Variants in FBXO9 observed in about 807,000 individuals in gnomAD.
FBXO9 encodes F-box protein 9.
In FBXO9, 43 loss-of-function variants were observed where a neutral mutation model predicts 63.7. That is an observed-to-expected ratio of 0.67 (90% CI 0.53 to 0.87). FBXO9 has a LOEUF of 0.87. Ranked by LOEUF, FBXO9 falls within the 40% of genes least tolerant of loss-of-function variation. FBXO9 has a pLI of 0.00. For synonymous variants in FBXO9, 156 were observed against 171.7 expected (o/e 0.91, Z 0.72); for missense variants, 442 against 533.2 (o/e 0.83, Z 1.68).
intron 5 of FBXO9, among the ~76,000 whole-genome samples, chr6:53,080,235 C>T (rs1230908645): frequency 6.6e-6 from 1 of 151,016 alleles, no homozygotes; most frequent in African/African-American, 2.4e-5. Context: ...GTAGAATAGC[C>T]ATTGAGTCCA....
At chr6:53,088,319 A>G (rs924339421) in intron 7 of FBXO9, among the ~76,000 whole-genome samples, 3 of 152,210 alleles carry the variant, frequency 2.0e-5, no homozygotes, top group African/African-American at 7.2e-5. Context: ...CTTAGACTAT[A>G]TATATTCTAT....
chr6:53,080,328 G>C (rs1370967626), intron 5 of FBXO9, among the ~76,000 whole-genome samples: 1 of 148,206 alleles, frequency 6.7e-6, no homozygotes, highest in African/African-American at 2.5e-5. Context: ...TTTTTTTTAA[G>C]TCTACATCAC....
chr6:53,079,898 A>G (rs2127492900), intron 5 of FBXO9, among the ~76,000 whole-genome samples: 1 of 152,250 alleles, frequency 6.6e-6, no homozygotes, highest in East Asian at 1.9e-4. Context: ...GCCTGTTTAA[A>G]TTTTCAGCTA....
intron 4 of FBXO9, among the ~76,000 whole-genome samples, 162 bp from the exon 5 acceptor site, chr6:53,078,637 G>A (rs1769201665): frequency 6.6e-6 from 1 of 152,180 alleles, no homozygotes; most frequent in East Asian, 1.9e-4. Context: ...GAGCATTAAG[G>A]TTTGGAAATA....
rs780827527 is a variant in FBXO9, at chr6:53,070,801, C to CG, written c.4-249dup. On this transcript the variant is annotated intron_variant, in intron 1 of 12. Coordinates refer to ENST00000323557, the MANE Select transcript of FBXO9 (RefSeq NM_033480.3). ...TGGATGCAACTGATGTTAAATTTGG[C>CG]GGGGGGGAAATGTTAGGATTCACAA... 63 of 408,172 alleles carry CG rather than the reference C, an allele frequency of 1.5e-4. 1 individual carries two copies. The highest frequency in any genetic ancestry group is 6.7e-4 in the Middle Eastern group (1 of 1,500). 25.3% of individuals were successfully genotyped at this position (408,172 alleles called of 1,614,324 possible).
chr6:53,083,459 G>T (rs1436623296), intron 7 of FBXO9, among the ~76,000 whole-genome samples: 1 of 152,054 alleles, frequency 6.6e-6, no homozygotes, highest in Non-Finnish European at 1.5e-5. Context: ...CATTGCAATG[G>T]GAATACACAT....
chr6:53,085,861 C>T (rs923729889), intron 7 of FBXO9, among the ~76,000 whole-genome samples: 10 of 152,108 alleles, frequency 6.6e-5, no homozygotes, highest in Non-Finnish European at 1.2e-4. Context: ...TAGAAAATCC[C>T]AAAGTTGGCT....
rs1367589770 is a variant in FBXO9, at chr6:53,092,715, T to C, written c.773-19T>C. The C allele has an allele frequency of 2.5e-6, 4 of 1,571,384 alleles. No homozygotes were observed. The South Asian group carries it at 3.5e-5, about 14-fold the overall frequency. On this transcript the variant is annotated intron_variant, in intron 8 of 12. Coordinates refer to ENST00000323557, the MANE Select transcript of FBXO9 (RefSeq NM_033480.3). ...ATCTGAATATTATAATTTTTAACTTTTTAAAATTATTTTCATAGGCGTGTA... is the reference window on the plus strand; with the variant it reads ...ATCTGAATATTATAATTTTTAACTTCTTAAAATTATTTTCATAGGCGTGTA...
At chr6:53,084,330 C>G (rs1312318068) in intron 7 of FBXO9, among the ~76,000 whole-genome samples, 1 of 152,186 alleles carries the variant, frequency 6.6e-6, no homozygotes, top group East Asian at 1.9e-4. Context: ...GCATGTAGTA[C>G]TAGCAATAGC....
rs1205077749 is a variant in FBXO9, at chr6:53,092,439, A to G, written c.664A>G (p.Ile222Val). Residue 222 changes from isoleucine to valine, a missense_variant, in exon 8 of 13, where the codon ATA becomes GTA. Physicochemically the swap from Ile to Val is conservative, Grantham distance 29 (BLOSUM62 3). Transcript: ENST00000323557. Reference sequence around the variant, plus strand: ...GCTTTTATTCCCTAGAGACCCTGAAATATGGCGTCTGGCCTGCTTGAAAGT... The same window carrying G: ...GCTTTTATTCCCTAGAGACCCTGAAGTATGGCGTCTGGCCTGCTTGAAAGT... ...GFYICARDPE[I>V]WRLACLKVWG... The G allele has an allele frequency of 6.2e-7, 1 of 1,613,554 alleles. No individual in the cohort carries two copies. Among genetic ancestry groups the G allele is most frequent in the Non-Finnish European group, 8.5e-7 (1 of 1,179,480 alleles).
chr6:53,096,062 C>T (rs181034740), intron 12 of FBXO9, among the ~76,000 whole-genome samples: 1 of 152,144 alleles, frequency 6.6e-6, no homozygotes, highest in African/African-American at 2.4e-5. Flanking sequence ...TTGTTTTATC[C>T]TCAGGGATTA....
At chr6:53,096,342 T>C (rs1763208906) in intron 12 of FBXO9, among the ~76,000 whole-genome samples, 1 of 152,176 alleles carries the variant, frequency 6.6e-6, no homozygotes, top group Non-Finnish European at 1.5e-5. Flanking sequence ...TGAAAGAATA[T>C]TGGTACATGA....
intron 7 of FBXO9, among the ~76,000 whole-genome samples, chr6:53,084,497 T>C (rs1418390536): frequency 6.6e-6 from 1 of 152,176 alleles, no homozygotes; most frequent in Non-Finnish European, 1.5e-5. Context: ...AGTCTTATGA[T>C]ATGGTTCTGA....
chr6:53,092,981 G>T, intron 9 of FBXO9, 157 bp downstream of exon 9: 2 of 457,998 alleles, frequency 4.4e-6, no homozygotes, highest in South Asian at 5.5e-5. Context: ...AAAAAAAATA[G>T]GCTAATATAA....
In FBXO9 at chr6:53,073,383, TATAC is replaced by T; in HGVS notation, c.91-97_91-94del. The stretch of plus-strand genomic sequence containing the variant: ...ATTTCTGGACTTAGAGTAATAAGTA[TATAC>T]GTGGAAGTAGATAGATGTTGGACAT... On this transcript the variant is annotated intron_variant, in intron 2 of 12. Coordinates refer to ENST00000323557, the MANE Select transcript of FBXO9 (RefSeq NM_033480.3). 3.6e-6 allele frequency: 3 copies of T among 839,340 alleles called. No individual in the cohort carries two copies. The South Asian group carries it at 6.4e-5, about 18-fold the overall frequency. The allele number at this position is 839,340 out of a possible 1,614,324, so 52.0% of individuals were successfully genotyped here. A position where few individuals can be genotyped will look rare whatever the true frequency, so the allele number is the denominator to read the frequency against.
At chr6:53,094,189 C>T (rs1400101224) in intron 11 of FBXO9, among the ~76,000 whole-genome samples, 3 of 151,756 alleles carry the variant, frequency 2.0e-5, no homozygotes, top group Middle Eastern at 3.4e-3. Flanking sequence ...TGTTTTTTAC[C>T]AGATAGTTTG....
intron 11 of FBXO9, among the ~76,000 whole-genome samples, chr6:53,095,149 A>G (rs751382767): frequency 6.6e-6 from 1 of 152,212 alleles, no homozygotes; most frequent in Non-Finnish European, 1.5e-5. Flanking sequence ...CAGTAGAAGG[A>G]AATACTAGGC....
chr6:53,084,708 TC>T (rs1223533701), intron 7 of FBXO9, among the ~76,000 whole-genome samples: 5 of 152,218 alleles, frequency 3.3e-5, no homozygotes, highest in Non-Finnish European at 7.3e-5. Context: ...TGTAGTCCAA[TC>T]CTGGAGGAAA....
At position 53,095,507 on chromosome 6, in the gene FBXO9, T is replaced by C; in HGVS notation, c.1054-6T>C. ...CATTATAACTTATGCATCTTTTCTTTTGCAGAAACCACTTGACTATAAATA... is the reference window on the plus strand; with the variant it reads ...CATTATAACTTATGCATCTTTTCTTCTGCAGAAACCACTTGACTATAAATA... On this transcript the variant is annotated splice_region_variant and splice_polypyrimidine_tract_variant and intron_variant, in intron 11 of 12. Transcript: ENST00000323557. 1 of 1,604,314 alleles carries C rather than the reference T, an allele frequency of 6.2e-7. No individual in the cohort carries two copies.
Sources: allele counts gnomAD v4.1 joint callset (sites outside exome capture counted in the v4.1 genomes callset), GRCh38; gene constraint gnomAD v4.1.1; transcripts MANE v1.5; gene names NCBI Gene and HGNC (gene_info 2026-07-23, HGNC 2026-07-21).